Variants in ABCC6 observed in about 807,000 individuals in gnomAD.
The protein encoded by ABCC6 is ATP-binding cassette sub-family C member 6.
Under a neutral mutation model 169.5 loss-of-function variants are expected in ABCC6, and 126 were observed. That is an observed-to-expected ratio of 0.74 (90% CI 0.64 to 0.86). The LOEUF (loss-of-function observed/expected upper bound fraction) is 0.86. Ranked by LOEUF, ABCC6 falls within the 40% of genes least tolerant of loss-of-function variation. ABCC6 has a pLI of 0.00. For missense variants in ABCC6, 1,733 were observed against 1,927.2 expected (o/e 0.90, Z 1.89); for synonymous variants, 752 against 814.7 (o/e 0.92, Z 1.31).
chr16:16,213,714 C>T (rs902153092), intron 5 of ABCC6, among the ~76,000 whole-genome samples: 18 of 149,868 alleles, frequency 1.2e-4, no homozygotes, highest in Non-Finnish European at 2.4e-4. Context: ...GCGTGCACCA[C>T]CATGCCTGGC....
In ABCC6 at chr16:16,149,953, C is replaced by A. The variant is rs533911738; in HGVS notation, c.*180G>T. 1 of 934,550 alleles carries A rather than the reference C, an allele frequency of 1.1e-6. No homozygotes were observed. The highest frequency in any genetic ancestry group is 1.7e-6 in the Non-Finnish European group (1 of 604,770). The allele number at this position is 934,550 out of a possible 1,614,324, so 57.9% of individuals were successfully genotyped here. A position where few individuals can be genotyped will look rare whatever the true frequency, so the allele number is the denominator to read the frequency against. The stretch of plus-strand genomic sequence containing the variant: ...CGGGCAGACCTGTGTATTGCTAGGT[C>A]CTTCCGGCTCTGATGCTCTGTGATA... On this transcript the variant is annotated 3_prime_UTR_variant, in exon 31 of 31. Coordinates refer to ENST00000205557, the MANE Select transcript of ABCC6 (RefSeq NM_001171.6).
intron 14 of ABCC6, among the ~76,000 whole-genome samples, chr16:16,185,400 G>A (rs936520645): frequency 6.6e-6 from 1 of 152,212 alleles, no homozygotes; most frequent in East Asian, 1.9e-4. Context: ...CCTAAAATAT[G>A]CACAATCTGG....
Position 16,150,138 on chromosome 16 carries a change from C to A in ABCC6, c.4507G>T (p.Val1503Phe). The A allele has an allele frequency of 6.2e-7, 1 of 1,612,458 alleles. No individual in the cohort carries two copies. Among genetic ancestry groups the A allele is most frequent in the Middle Eastern group, 2.0e-4 (1 of 5,006 alleles). The change falls in exon 31 of 31, where the codon GTC becomes TTC. Residue 1503 changes from valine to phenylalanine, a missense_variant. Val to Phe is a conservative substitution (Grantham distance 50). This residue lies in a region of ABCC6 where 1,601 missense variants were observed against 1,635.5 expected (regional missense o/e 0.98). Transcript: ENST00000205557. The part of the protein sequence containing the change: ...FYRLAQESGL[V>F] ...GTACGGTTGAGGGTCCTGGCTCAGA[C>A]CAGGCCTGACTCCTGGGCCAGTCTG...
At chr16:16,169,168 A>G (rs1238984388) in intron 22 of ABCC6, among the ~76,000 whole-genome samples, 1 of 152,242 alleles carries the variant, frequency 6.6e-6, no homozygotes, top group African/African-American at 2.4e-5. Flanking sequence ...ATACTTTACT[A>G]TCAGTTTGCA....
At position 16,150,012 on chromosome 16, in the gene ABCC6, G is replaced by C; in HGVS notation, c.*121C>G. 1 of 1,455,790 alleles carries C rather than the reference G, an allele frequency of 6.9e-7. No individual in the cohort carries two copies. The highest frequency in any genetic ancestry group is 1.2e-5 in the South Asian group (1 of 81,760). The allele number at this position is 1,455,790 out of a possible 1,614,324, so 90.2% of individuals were successfully genotyped here. ...CTTTCTCTGCCATTTTCCTCCCAGA[G>C]AGCAAACACAGGTCTAGACTCAATA... On this transcript the variant is annotated 3_prime_UTR_variant, in exon 31 of 31. Coordinates refer to ENST00000205557, the MANE Select transcript of ABCC6 (RefSeq NM_001171.6).
At position 16,178,798 on chromosome 16, in the gene ABCC6, T is replaced by C. The variant is rs748500639; in HGVS notation, c.2415A>G (p.Thr805=). ...VIGPGGLLQG[T]TRILVTHALH... ...GTCTGACACATGTTCCCAAACTTAC[T>C]GTTCCCTGGAGTAGTCCACCAGGCC... The change falls in exon 18 of 31, where the codon ACA becomes ACG. Residue 805 remains threonine, a splice_region_variant and synonymous_variant. Coordinates refer to ENST00000205557, the MANE Select transcript of ABCC6 (RefSeq NM_001171.6). 6.8e-5 allele frequency: 109 copies of C among 1,613,818 alleles called. No individual in the cohort carries two copies. Among genetic ancestry groups the C allele is most frequent in the Non-Finnish European group, 6.5e-5 (77 of 1,180,050 alleles).
At chr16:16,199,327 C>A (rs1378041532) in intron 9 of ABCC6, among the ~76,000 whole-genome samples, 2 of 143,892 alleles carry the variant, frequency 1.4e-5, no homozygotes, top group South Asian at 2.2e-4. Flanking sequence ...CATTTACTAA[C>A]CCCATTCTAT....
At chr16:16,177,689 T>A in intron 18 of ABCC6, 63 bp from the exon 19 acceptor site, 2 of 1,594,196 alleles carry the variant, frequency 1.3e-6, no homozygotes, top group Non-Finnish European at 1.7e-6. Flanking sequence ...ATGCCTGTAA[T>A]CCCAACACTT....
At chr16:16,189,809 C>T (rs1472474852) in intron 12 of ABCC6, among the ~76,000 whole-genome samples, 1 of 152,130 alleles carries the variant, frequency 6.6e-6, no homozygotes, top group Non-Finnish European at 1.5e-5. Context: ...AGGATCACGT[C>T]CAGTGACAGG....
intron 23 of ABCC6, among the ~76,000 whole-genome samples, chr16:16,165,258 T>G (rs1405523000): frequency 1.3e-5 from 2 of 151,908 alleles, no homozygotes; most frequent in Admixed American, 6.6e-5. Flanking sequence ...AAAAATAAAT[T>G]TAAAAATTAG....
Position 16,182,532 on chromosome 16 carries a change from C to G in ABCC6, c.2127G>C (p.Glu709Asp), listed in dbSNP as rs1567502974. The part of the protein sequence containing the change: ...EAWVQNTSVV[E>D]NVCFGQELDP... ...CCAGCTCCTGCCCGAAGCACACATT[C>G]TCTACCACAGAGGTGTTCTGCACCC... The change falls in exon 17 of 31, where the codon GAG (glutamate) becomes GAC (aspartate). Residue 709 changes from glutamate (E) to aspartate (D), a missense_variant. Coordinates refer to ENST00000205557, the MANE Select transcript of ABCC6 (RefSeq NM_001171.6). 5 of 1,614,188 alleles carry G rather than the reference C, an allele frequency of 3.1e-6. No homozygotes were observed. The highest frequency in any genetic ancestry group is 3.4e-6 in the Non-Finnish European group (4 of 1,180,034).
chr16:16,220,477 A>AAG, intron 2 of ABCC6: 1 of 160,468 alleles, frequency 6.2e-6, no homozygotes, highest in African/African-American at 2.4e-5. Context: ...GAACTGCTCA[A>AAG]AGAACCTCAG....
At chr16:16,172,067 G>A (rs1787629941) in intron 21 of ABCC6, among the ~76,000 whole-genome samples, 2 of 23,176 alleles carry the variant, frequency 8.6e-5, no homozygotes, top group Non-Finnish European at 9.3e-5. Flanking sequence ...ATAAATGAGT[G>A]GGTGGGATGG....
At chr16:16,206,019 C>T (rs956817798) in intron 7 of ABCC6, among the ~76,000 whole-genome samples, 11 of 152,212 alleles carry the variant, frequency 7.2e-5, no homozygotes, top group African/African-American at 2.7e-4. Flanking sequence ...TCCTCTGAGC[C>T]TTAGTGTTTC....
Position 16,190,261 on chromosome 16 carries a change from C to G in ABCC6, c.1538G>C (p.Arg513Thr), listed in dbSNP as rs749668818. The G allele has an allele frequency of 3.1e-6, 5 of 1,614,148 alleles. No individual in the cohort carries two copies. The highest frequency in any genetic ancestry group is 3.4e-6 in the Non-Finnish European group (4 of 1,180,024). ...FHGWEGAFLD[R>T]VLGIRGQELG... ...CTCCTGGCCTCGGATGCCCAGGACT[C>G]TGTCCAGAAAGGCTCCCTCCCAGCC... is the stretch of plus-strand genomic sequence containing the variant. The change falls in exon 12 of 31, where the codon AGA becomes ACA. Residue 513 changes from arginine to threonine, a missense_variant. Physicochemically the swap from Arg to Thr is moderately conservative, Grantham distance 71. This residue lies in a region of ABCC6 where 1,601 missense variants were observed against 1,635.5 expected (regional missense o/e 0.98). Transcript: ENST00000205557.
At chr16:16,152,036 CA>C (rs1477670262) in intron 29 of ABCC6, among the ~76,000 whole-genome samples, 2 of 151,484 alleles carry the variant, frequency 1.3e-5, no homozygotes, top group Non-Finnish European at 2.9e-5. Context: ...ACTAAAAATA[CA>C]AAAAATTAGC....
intron 15 of ABCC6, among the ~76,000 whole-genome samples, chr16:16,184,562 G>T (rs1433006025): frequency 6.6e-6 from 1 of 152,220 alleles, no homozygotes; most frequent in Non-Finnish European, 1.5e-5. Context: ...AAGCGATAGA[G>T]TTGGAGACTA....
chr16:16,178,799 G>A lies in ABCC6; in HGVS notation c.2414C>T (p.Thr805Ile), dbSNP rs1392817845. Reference sequence around the variant, plus strand: ...TCTGACACATGTTCCCAAACTTACTGTTCCCTGGAGTAGTCCACCAGGCCC... The same window carrying A: ...TCTGACACATGTTCCCAAACTTACTATTCCCTGGAGTAGTCCACCAGGCCC... ...VIGPGGLLQG[T>I]TRILVTHALH... is the part of the protein sequence containing the mutation. The change falls in exon 18 of 31, where the codon ACA becomes ATA. Residue 805 changes from threonine (T) to isoleucine (I), a missense_variant and splice_region_variant. Coordinates refer to ENST00000205557, the MANE Select transcript of ABCC6 (RefSeq NM_001171.6). 3 of 1,613,740 alleles carry A rather than the reference G, an allele frequency of 1.9e-6. No homozygotes were observed. Among genetic ancestry groups the A allele is most frequent in the Non-Finnish European group, 2.5e-6 (3 of 1,180,040 alleles).
At chr16:16,194,899 C>T (rs7186601) in intron 10 of ABCC6, among the ~76,000 whole-genome samples, 26,382 of 151,812 alleles carry the variant, frequency 0.17, 3,889 homozygotes, top group East Asian at 0.54. Flanking sequence ...AGGCTGGTCT[C>T]GAACTCCTGG....
Sources: gnomAD v4.1 joint callset for allele counts (sites outside exome capture counted in the v4.1 genomes callset) on GRCh38, gnomAD v4.1.1 for gene constraint, gnomAD v4.1.1 regional missense constraint, MANE v1.5 for transcripts, NCBI Gene and HGNC (gene_info 2026-07-23, HGNC 2026-07-21) for gene names.